ATRNL1: variants seen among roughly 807,000 people sequenced by gnomAD.
ATRNL1 encodes the protein attractin-like protein 1.
A neutral mutation model predicts 182.7 loss-of-function variants in ATRNL1; 95 were observed. The observed-to-expected ratio is 0.52, with a 90% CI of 0.44 to 0.62. ATRNL1 has a LOEUF of 0.62. Ranked by LOEUF, ATRNL1 falls within the 20% of genes least tolerant of loss-of-function variation. The pLI, the probability that ATRNL1 is intolerant of heterozygous loss-of-function variation, is 0.00. For synonymous variants in ATRNL1, 576 were observed against 568.3 expected (o/e 1.01, Z -0.19); for missense variants, 1,471 against 1,679.5 (o/e 0.88, Z 2.17).
At chr10:115,535,203 T>G (rs1851894294) in intron 25 of ATRNL1, among the ~76,000 whole-genome samples, 1 of 152,160 alleles carries the variant, frequency 6.6e-6, no homozygotes. Flanking sequence ...TGCAGAGTGT[T>G]TTCCAACTTG....
intron 8 of ATRNL1, among the ~76,000 whole-genome samples, chr10:115,198,169 C>T (rs1349843821): frequency 2.0e-5 from 3 of 152,176 alleles, no homozygotes; most frequent in Non-Finnish European, 4.4e-5. Context: ...TTCTTGCCAA[C>T]ACTTGTTATC....
At chr10:115,848,497 C>T (rs1411500128) in intron 28 of ATRNL1, among the ~76,000 whole-genome samples, 1 of 152,152 alleles carries the variant, frequency 6.6e-6, no homozygotes, top group Non-Finnish European at 1.5e-5. Flanking sequence ...TATGCCATTG[C>T]TTTCAGCACC....
intron 13 of ATRNL1, among the ~76,000 whole-genome samples, chr10:115,270,468 A>C (rs139337611): frequency 0.012 from 1,839 of 147,678 alleles, 18 homozygotes; most frequent in Non-Finnish European, 0.021. Flanking sequence ...TATATATAAA[A>C]TGAGATTTAT....
intron 26 of ATRNL1, among the ~76,000 whole-genome samples, chr10:115,619,478 G>A (rs146287234): frequency 5.3e-5 from 8 of 152,210 alleles, no homozygotes; most frequent in Non-Finnish European, 1.0e-4. Flanking sequence ...GTCAGGGGTG[G>A]GTGCTGGGTG....
intron 25 of ATRNL1, among the ~76,000 whole-genome samples, chr10:115,522,501 C>A (rs1335450108): frequency 1.3e-5 from 2 of 152,178 alleles, no homozygotes; most frequent in Admixed American, 1.3e-4. Context: ...TTTCATTAGG[C>A]TCAATCTCCA....
chr10:115,713,705 C>CATCTATCT lies in ATRNL1; in HGVS notation c.3796-13504_3796-13497dup, dbSNP rs1555055341. On this transcript the variant is annotated intron_variant, in intron 26 of 28. Coordinates refer to ENST00000355044, the MANE Select transcript of ATRNL1 (RefSeq NM_207303.4). ...TCTATCTATCTATCTATCTATCTAT[C>CATCTATCT]ATCTATCTATCTATCTATCTATCTA... 1.4e-3 allele frequency among the ~76,000 whole-genome samples: 140 copies of CATCTATCT among 101,292 alleles called. 1 individual carries two copies. The highest frequency in any genetic ancestry group is 3.3e-3 in the African/African-American group (98 of 29,666). 66.5% of individuals were successfully genotyped at this position (101,292 alleles called of 152,430 possible). A position where few individuals can be genotyped will look rare whatever the true frequency, so the allele number is the denominator to read the frequency against.
At chr10:115,346,656 C>T (rs75946269) in intron 19 of ATRNL1, among the ~76,000 whole-genome samples, 2,336 of 152,140 alleles carry the variant, frequency 0.015, 33 homozygotes, top group Admixed American at 0.026. Flanking sequence ...TGTGTCTTTT[C>T]ATATGCTTTT....
At chr10:115,775,398 T>G (rs541189429) in intron 27 of ATRNL1, among the ~76,000 whole-genome samples, 2 of 152,226 alleles carry the variant, frequency 1.3e-5, no homozygotes, top group Non-Finnish European at 2.9e-5. Context: ...TCTTAATAGA[T>G]TGACTTCAAG....
At chr10:115,439,593 T>C (rs1322281631) in intron 21 of ATRNL1, among the ~76,000 whole-genome samples, 1 of 151,968 alleles carries the variant, frequency 6.6e-6, no homozygotes, top group African/African-American at 2.4e-5. Flanking sequence ...CCCCGAAAGA[T>C]GTCTACATCC....
intron 20 of ATRNL1, among the ~76,000 whole-genome samples, chr10:115,405,529 A>T (rs1212703882): frequency 6.6e-6 from 1 of 152,060 alleles, no homozygotes; most frequent in East Asian, 1.9e-4. Flanking sequence ...TGCAAATATG[A>T]TATCCTTTCT....
At chr10:115,387,239 G>C (rs989289263) in intron 19 of ATRNL1, among the ~76,000 whole-genome samples, 1 of 152,058 alleles carries the variant, frequency 6.6e-6, no homozygotes, top group Non-Finnish European at 1.5e-5. Context: ...CTACTATGCC[G>C]TCCTTTGTTG....
intron 26 of ATRNL1, among the ~76,000 whole-genome samples, chr10:115,621,276 T>TATATATATATATAGAGAG (rs1268020830): frequency 1.8e-3 from 86 of 47,542 alleles, no homozygotes; most frequent in Non-Finnish European, 2.6e-3. Flanking sequence ...TATATATATA[T>TATATATATATATAGAGAG]AGAGAGAGAG....
chr10:115,426,775 AGTGCAAC>A (rs1283607379), intron 21 of ATRNL1, among the ~76,000 whole-genome samples: 4 of 152,138 alleles, frequency 2.6e-5, no homozygotes, highest in African/African-American at 9.7e-5. Context: ...CCCAGGCTGG[AGTGCAAC>A]GGCACAATCT....
At chr10:115,245,545 C>A (rs1592316121) in intron 10 of ATRNL1, among the ~76,000 whole-genome samples, 1 of 150,260 alleles carries the variant, frequency 6.7e-6, no homozygotes. Flanking sequence ...ATTAATGAAG[C>A]CTGGGATACC....
chr10:115,544,343 C>G (rs1205953520), intron 25 of ATRNL1, among the ~76,000 whole-genome samples: 18 of 152,098 alleles, frequency 1.2e-4, no homozygotes, highest in Admixed American at 1.0e-3. Flanking sequence ...TCTTGCAATG[C>G]TATAAAAAAT....
intron 21 of ATRNL1, among the ~76,000 whole-genome samples, chr10:115,436,138 G>T (rs1403093694): frequency 6.6e-6 from 1 of 152,024 alleles, no homozygotes; most frequent in Non-Finnish European, 1.5e-5. Flanking sequence ...TTAAGTATCA[G>T]TCTTTTATTT....
At chr10:115,197,832 G>A (rs1264773) in intron 8 of ATRNL1, among the ~76,000 whole-genome samples, 100,556 of 151,972 alleles carry the variant, frequency 0.66, 34,144 homozygotes, top group Non-Finnish European at 0.74. Flanking sequence ...ACGTAAGTGG[G>A]CTCATAAAGT....
At chr10:115,757,147 A>G (rs990260838) in intron 27 of ATRNL1, among the ~76,000 whole-genome samples, 1 of 152,106 alleles carries the variant, frequency 6.6e-6, no homozygotes, top group African/African-American at 2.4e-5. Context: ...TAGGGCATTT[A>G]GCCTGTTTAC....
At chr10:115,634,007 T>C (rs1202392980) in intron 26 of ATRNL1, among the ~76,000 whole-genome samples, 3 of 152,048 alleles carry the variant, frequency 2.0e-5, no homozygotes, top group Non-Finnish European at 2.9e-5. Context: ...AAAAGAGGGT[T>C]CTTGGGTCTG....
Sources: gnomAD v4.1 joint callset for allele counts (sites outside exome capture counted in the v4.1 genomes callset) on GRCh38, gnomAD v4.1.1 for gene constraint, MANE v1.5 for transcripts, NCBI Gene and HGNC (gene_info 2026-07-23, HGNC 2026-07-21) for gene names.